Variants in RIMBP2 observed in about 807,000 individuals in gnomAD.
The protein encoded by RIMBP2 is RIMS binding protein 2.
Under a neutral mutation model 118.6 loss-of-function variants are expected in RIMBP2, and 48 were observed. The observed-to-expected ratio is 0.40, with a 90% CI of 0.32 to 0.51. The LOEUF is 0.51. RIMBP2 is among the 20% of genes least tolerant of loss of function. The pLI, the probability that RIMBP2 is intolerant of heterozygous loss-of-function variation, is 0.41. For missense variants in RIMBP2, 1,551 were observed against 1,768.3 expected, an observed-to-expected ratio of 0.88 and a Z score of 2.20; for synonymous variants, 762 against 742.9, an observed-to-expected ratio of 1.03 and a Z score of -0.42.
rs140050120 is a variant in RIMBP2, at chr12:130,428,314, C to G, written c.2277G>C (p.Glu759Asp). 13 of 1,611,836 alleles carry G rather than the reference C, an allele frequency of 8.1e-6. No individual in the cohort carries two copies. The African/African-American group carries it at 1.2e-4, about 15-fold the overall frequency. ...ACCCCCGGCTGCTCTCTGTGTGGTA[C>G]TCGTCTCCATGGCAACAGTGCGGCT... ...GKQPHCCHGDEYHTESSRGSD... is the reference protein window; with the variant it reads ...GKQPHCCHGDDYHTESSRGSD... The change falls in exon 15 of 23, where the codon GAG becomes GAC. Residue 759 changes from glutamate to aspartate, a missense_variant. Coordinates refer to ENST00000690449, the MANE Select transcript of RIMBP2 (RefSeq NM_001393629.1).
At position 130,576,816 on chromosome 12, in the gene RIMBP2, G is replaced by A. The variant is rs902808921; in HGVS notation, c.-217+51506C>T. 7.2e-5 allele frequency among the ~76,000 whole-genome samples: 11 copies of A among 152,246 alleles called. 1 individual carries two copies. Among genetic ancestry groups the A allele is most frequent in the African/African-American group, 2.7e-4 (11 of 41,472 alleles). On this transcript the variant is annotated intron_variant, in intron 2 of 22. Transcript: ENST00000690449. This position sits in a 1 kb window ranked among gnomAD's most constrained non-coding sequence, Gnocchi z 4.2. ...CACACCAGGATGGAGATTGCAGGAT[G>A]GCGTGTTTCCATCGCGTGTCCAGGC... is the stretch of plus-strand genomic sequence containing the variant.
intron 4 of RIMBP2, among the ~76,000 whole-genome samples, chr12:130,497,577 A>G (rs569633741): frequency 6.6e-6 from 1 of 152,236 alleles, no homozygotes; most frequent in African/African-American, 2.4e-5. Context: ...CACCGGTTGC[A>G]GTCCCTTTAC....
chr12:130,714,472 C>T (rs1342977325), intron 1 of RIMBP2, among the ~76,000 whole-genome samples: 2 of 152,182 alleles, frequency 1.3e-5, no homozygotes, highest in African/African-American at 4.8e-5. Context: ...GCGCCTGCCT[C>T]CTGCGTGGGG....
chr12:130,489,597 C>T (rs750674394), intron 4 of RIMBP2, among the ~76,000 whole-genome samples: 3 of 152,182 alleles, frequency 2.0e-5, no homozygotes, highest in Non-Finnish European at 2.9e-5. Flanking sequence ...CTCTAACCCA[C>T]GGTCTCTGCT....
At chr12:130,414,034 C>T in intron 18 of RIMBP2, 91 bp downstream of exon 18, 1 of 1,374,830 alleles carries the variant, frequency 7.3e-7, no homozygotes, top group Non-Finnish European at 1.0e-6. Flanking sequence ...AAGGCCATCT[C>T]TAAGTCGATA....
chr12:130,702,791 C>A lies in RIMBP2; in HGVS notation c.-352+13431G>T, dbSNP rs2065923476. On this transcript the variant is annotated intron_variant, in intron 1 of 22. Transcript: ENST00000690449. ...CTGATCGGAATCTTGGGCCCCTTCCCCAAACCCAGTTACAAATTGTGCACC... is the reference window on the plus strand; with the variant it reads ...CTGATCGGAATCTTGGGCCCCTTCCACAAACCCAGTTACAAATTGTGCACC... Among the ~76,000 whole-genome samples the A allele has an allele frequency of 2.0e-5, 3 of 152,212 alleles. No homozygotes were observed. The South Asian group carries it at 6.2e-4, about 32-fold the overall frequency.
chr12:130,543,134 T>C (rs549353770), intron 2 of RIMBP2, among the ~76,000 whole-genome samples: 36 of 152,348 alleles, frequency 2.4e-4, no homozygotes, highest in Non-Finnish European at 1.5e-5. Flanking sequence ...TAAACGCCTT[T>C]CCAGAAAGAT....
chr12:130,546,365 G>A (rs1467080741), intron 2 of RIMBP2, among the ~76,000 whole-genome samples: 2 of 151,964 alleles, frequency 1.3e-5, no homozygotes, highest in Non-Finnish European at 2.9e-5. Context: ...GTGTGATCTC[G>A]GATCACTTCA....
intron 22 of RIMBP2, chr12:130,398,893 G>A: frequency 3.6e-6 from 1 of 281,530 alleles, no homozygotes; most frequent in East Asian, 5.9e-5. Context: ...CAAATAGTAG[G>A]AAATGATTAT....
Position 130,581,392 on chromosome 12 carries a change from A to G in RIMBP2, c.-217+46930T>C, listed in dbSNP as rs570302244. On this transcript the variant is annotated intron_variant, in intron 2 of 22. Coordinates refer to ENST00000690449, the MANE Select transcript of RIMBP2 (RefSeq NM_001393629.1). This position sits in a 1 kb window ranked among gnomAD's most constrained non-coding sequence, Gnocchi z 4.4. The stretch of plus-strand genomic sequence containing the variant: ...GCTGTCTTAAGAGTTGATTTTACAT[A>G]AACTCCAAAAGTTCCATCTCCATCC... Among the ~76,000 whole-genome samples the G allele has an allele frequency of 1.3e-5, 2 of 152,256 alleles. No homozygotes were observed. The highest frequency in any genetic ancestry group is 4.8e-5 in the African/African-American group (2 of 41,532).
In RIMBP2 at chr12:130,620,510, A is replaced by G. The variant is rs1026191871; in HGVS notation, c.-217+7812T>C. On this transcript the variant is annotated intron_variant, in intron 2 of 22. Coordinates refer to ENST00000690449, the MANE Select transcript of RIMBP2 (RefSeq NM_001393629.1). This position sits in a 1 kb window ranked among gnomAD's most constrained non-coding sequence, Gnocchi z 5.3. ...AAAGTACGACAAGCCAGGAGGCTTG[A>G]AGAACAGGCATGCACGGCCCCACAG... Among the ~76,000 whole-genome samples, 8 of 152,186 alleles carry G rather than the reference A, an allele frequency of 5.3e-5. No homozygotes were observed. The highest frequency in any genetic ancestry group is 7.2e-5 in the African/African-American group (3 of 41,460).
Position 130,456,620 on chromosome 12 carries a change from G to T in RIMBP2, c.234C>A (p.Phe78Leu). 2 of 1,613,674 alleles carry T rather than the reference G, an allele frequency of 1.2e-6. No individual in the cohort carries two copies. The highest frequency in any genetic ancestry group is 2.7e-5 in the African/African-American group (2 of 75,054). ...GGTCAATCTTGCCAGCGTGCTGCCG[G>T]AACTTCTCCAGGTCCCGGGACAGCA... Reference protein sequence around the residue: ...FNLLSRDLEKFRQHAGKIDLL... With the variant: ...FNLLSRDLEKLRQHAGKIDLL... The change falls in exon 7 of 23, where the codon TTC becomes TTA. Residue 78 changes from phenylalanine to leucine, a missense_variant. By Grantham distance (22) the Phe-to-Leu change is conservative. This residue lies in a region of RIMBP2 where 239 missense variants were observed against 256.8 expected (regional missense o/e 0.93). Transcript: ENST00000690449.
At chr12:130,610,262 G>A (rs1398691247) in intron 2 of RIMBP2, among the ~76,000 whole-genome samples, 3 of 152,004 alleles carry the variant, frequency 2.0e-5, no homozygotes, top group Admixed American at 6.6e-5. Context: ...GGTCCCTCCC[G>A]TTCTGGGGCC....
At chr12:130,591,108 T>C (rs2059227848) in intron 2 of RIMBP2, among the ~76,000 whole-genome samples, 1 of 152,240 alleles carries the variant, frequency 6.6e-6, no homozygotes, top group South Asian at 2.1e-4. Context: ...AAATATCATT[T>C]TCCTAGGTCC....
chr12:130,532,765 G>A (rs537217274), intron 2 of RIMBP2, among the ~76,000 whole-genome samples: 4 of 144,888 alleles, frequency 2.8e-5, no homozygotes, highest in African/African-American at 5.0e-5. Flanking sequence ...AATGAGATGC[G>A]TGTGTTCAGC....
Position 130,670,784 on chromosome 12 carries a change from T to G in RIMBP2, c.-351-42328A>C, listed in dbSNP as rs1163310868. Among the ~76,000 whole-genome samples the G allele has an allele frequency of 6.6e-6, 1 of 152,200 alleles. No homozygotes were observed. The highest frequency in any genetic ancestry group is 1.5e-5 in the Non-Finnish European group (1 of 68,032). On this transcript the variant is annotated intron_variant, in intron 1 of 22. Transcript: ENST00000690449. This position sits in a 1 kb window ranked among gnomAD's most constrained non-coding sequence, Gnocchi z 4.9. ...AAGACTTTTCTTTCCATTTATTTATTTATTTATGAGATACAGTCCCTCTCT... is the reference window on the plus strand; with the variant it reads ...AAGACTTTTCTTTCCATTTATTTATGTATTTATGAGATACAGTCCCTCTCT...
rs1312611227 is a variant in RIMBP2 at position 130,475,988 on chromosome 12, C to T, written c.102+2924G>A. Among the ~76,000 whole-genome samples, 6 of 152,016 alleles carry T rather than the reference C, an allele frequency of 3.9e-5. No homozygotes were observed. The highest frequency in any genetic ancestry group is 4.8e-5 in the African/African-American group (2 of 41,400). ...CCGGGTCTAAACCCGGGAGTTACCA[C>T]GCAGAGGTGGTGCTGAAACCCATGC... On this transcript the variant is annotated intron_variant, in intron 5 of 22. Coordinates refer to ENST00000690449, the MANE Select transcript of RIMBP2 (RefSeq NM_001393629.1). This position sits in a 1 kb window ranked among gnomAD's most constrained non-coding sequence, Gnocchi z 4.1.
At chr12:130,589,575 T>C (rs930272673) in intron 2 of RIMBP2, among the ~76,000 whole-genome samples, 3 of 152,170 alleles carry the variant, frequency 2.0e-5, no homozygotes, top group Non-Finnish European at 4.4e-5. Flanking sequence ...ACCAAATGAC[T>C]GACGGATGGA....
In RIMBP2 at chr12:130,581,121, G is replaced by A. The variant is rs1215427183; in HGVS notation, c.-217+47201C>T. Among the ~76,000 whole-genome samples, 1 of 152,142 alleles carries A rather than the reference G, an allele frequency of 6.6e-6. No individual in the cohort carries two copies. The highest frequency in any genetic ancestry group is 1.5e-5 in the Non-Finnish European group (1 of 68,034). On this transcript the variant is annotated intron_variant, in intron 2 of 22. Coordinates refer to ENST00000690449, the MANE Select transcript of RIMBP2 (RefSeq NM_001393629.1). This position sits in a 1 kb window ranked among gnomAD's most constrained non-coding sequence, Gnocchi z 4.4. ...TATTCATGGGCCAGGCACTGGGGGT[G>A]ATGGTTTCCAAGACAGGCAGGTCCT... is the stretch of plus-strand genomic sequence containing the variant.
Sources: gnomAD v4.1 joint callset for allele counts (sites outside exome capture counted in the v4.1 genomes callset) on GRCh38, gnomAD v4.1.1 for gene constraint, gnomAD v4.1.1 regional missense constraint, Gnocchi (gnomAD v3.1) non-coding constraint, MANE v1.5 for transcripts, NCBI Gene and HGNC (gene_info 2026-07-23, HGNC 2026-07-21) for gene names.